DTWD2: variants seen among roughly 807,000 people sequenced by gnomAD.
The protein encoded by DTWD2 is DTW motif tRNA-uridine aminocarboxypropyltransferase 2, also known as tRNA-uridine aminocarboxypropyltransferase 2.
A neutral mutation model predicts 31.8 loss-of-function variants in DTWD2; 39 were observed. The observed-to-expected ratio is 1.22, with a 90% confidence interval of 0.95 to 1.60. The LOEUF is 1.60. DTWD2 is among the 40% of genes most tolerant of loss of function. DTWD2 has a pLI of 0.00. For missense variants in DTWD2, 515 were observed against 381.5 expected (o/e 1.35, Z -2.92); for synonymous variants, 180 against 142.8 (o/e 1.26, Z -1.86).
intron 1 of DTWD2, among the ~76,000 whole-genome samples, chr5:118,969,656 A>G (rs536296024): frequency 1.1e-4 from 17 of 152,322 alleles, no homozygotes; most frequent in African/African-American, 4.1e-4. Flanking sequence ...ACATCAACAA[A>G]GAAGATCCCA....
At chr5:118,951,800 C>G (rs888403024) in intron 1 of DTWD2, among the ~76,000 whole-genome samples, 1 of 152,000 alleles carries the variant, frequency 6.6e-6, no homozygotes, top group Non-Finnish European at 1.5e-5. Context: ...TGCCCCGCCT[C>G]GGGGAGGTAG....
Position 118,939,198 on chromosome 5 carries a change from T to G in DTWD2, c.402A>C (p.Glu134Asp). ...CATTGCCCTAACAGTTAATTTACCTTTCTTCACTGAAGCGACGACCGATCT... is the reference window on the plus strand; with the variant it reads ...CATTGCCCTAACAGTTAATTTACCTGTCTTCACTGAAGCGACGACCGATCT... ...KVKIGRRFSE[E>D]RDPELSTVCR... The change falls in exon 3 of 6, where the codon GAA (glutamate) becomes GAC (aspartate). Residue 134 changes from glutamate (E) to aspartate (D), a missense_variant and splice_region_variant. By Grantham distance (45) the Glu-to-Asp change is conservative. Transcript: ENST00000510708. 6.2e-7 allele frequency: 1 copy of G among 1,601,118 alleles called. No homozygotes were observed. The highest frequency in any genetic ancestry group is 8.5e-7 in the Non-Finnish European group (1 of 1,173,914).
intron 4 of DTWD2, 56 bp from the exon 5 acceptor site, chr5:118,848,274 G>A (rs1451028124): frequency 3.4e-6 from 5 of 1,481,762 alleles, no homozygotes; most frequent in South Asian, 1.4e-5. Context: ...AAATTATAAA[G>A]TTTGTGTTTT....
At chr5:118,912,788 CAGT>C (rs1402378975) in intron 4 of DTWD2, among the ~76,000 whole-genome samples, 1 of 152,090 alleles carries the variant, frequency 6.6e-6, no homozygotes, top group Non-Finnish European at 1.5e-5. Context: ...ATGAGAAAAA[CAGT>C]AGAATTCACC....
At chr5:118,963,395 G>C (rs1485619070) in intron 1 of DTWD2, among the ~76,000 whole-genome samples, 1 of 152,194 alleles carries the variant, frequency 6.6e-6, no homozygotes, top group Admixed American at 6.6e-5. Context: ...ACATTAAAAA[G>C]CACCTGTTTT....
In DTWD2 at chr5:118,944,584, A is replaced by C. The variant is rs776810173; in HGVS notation, c.284T>G (p.Leu95Trp). Residue 95 changes from leucine (L) to tryptophan (W), a missense_variant, in exon 2 of 6, where the codon TTG becomes TGG. Coordinates refer to ENST00000510708, the MANE Select transcript of DTWD2 (RefSeq NM_173666.4). Reference sequence around the variant, plus strand: ...CTCTGCTGGATGCTGAATTATGTACAAGTGGGTAGAGATATGCAGAGGGTG... The same window carrying C: ...CTCTGCTGGATGCTGAATTATGTACCAGTGGGTAGAGATATGCAGAGGGTG... ...PAHPLHISTHLYIIQHPAEEN... is the reference protein window; with the variant it reads ...PAHPLHISTHWYIIQHPAEEN... 1.5e-5 allele frequency: 25 copies of C among 1,613,482 alleles called. No individual in the cohort carries two copies. Among genetic ancestry groups the C allele is most frequent in the Non-Finnish European group, 2.0e-5 (24 of 1,179,728 alleles).
rs140040215 is a variant in DTWD2 at position 118,921,738 on chromosome 5, A to C, written c.597+6799T>G. On this transcript the variant is annotated intron_variant, in intron 4 of 5. Transcript: ENST00000510708. ...AGAAGTCACTTAACGAACAGTAAGT[A>C]GAATAGCCTATTCAGAATCTACATC... 2.6e-5 allele frequency among the ~76,000 whole-genome samples: 4 copies of C among 152,336 alleles called. No individual in the cohort carries two copies. In the East Asian group the frequency reaches 7.7e-4, roughly 29 times the overall value.
intron 1 of DTWD2, among the ~76,000 whole-genome samples, chr5:118,976,273 T>G (rs1354023840): frequency 6.6e-6 from 1 of 151,790 alleles, no homozygotes; most frequent in Non-Finnish European, 1.5e-5. Flanking sequence ...ATATCACAAT[T>G]AAAAGAACTA....
At chr5:118,958,281 C>T (rs576370476) in intron 1 of DTWD2, among the ~76,000 whole-genome samples, 2 of 152,070 alleles carry the variant, frequency 1.3e-5, no homozygotes, top group South Asian at 2.1e-4. Flanking sequence ...AGTGAAACTC[C>T]GTCTCTACCA....
At chr5:118,895,708 C>T (rs551553329) in intron 4 of DTWD2, among the ~76,000 whole-genome samples, 2 of 152,254 alleles carry the variant, frequency 1.3e-5, no homozygotes, top group Admixed American at 6.5e-5. Flanking sequence ...TAAGTCCACA[C>T]ACTTACTTAC....
intron 1 of DTWD2, among the ~76,000 whole-genome samples, chr5:118,960,316 T>A (rs1037322809): frequency 1.3e-5 from 2 of 152,002 alleles, no homozygotes; most frequent in African/African-American, 4.8e-5. Flanking sequence ...CAAAGAAGCA[T>A]ATGAAAAAAT....
At chr5:118,943,044 T>A (rs1305985877) in intron 2 of DTWD2, among the ~76,000 whole-genome samples, 1 of 152,150 alleles carries the variant, frequency 6.6e-6, no homozygotes, top group Admixed American at 6.5e-5. Context: ...GCTCAAGTTA[T>A]CCTCCTTCTT....
chr5:118,916,007 C>T (rs1753567570), intron 4 of DTWD2, among the ~76,000 whole-genome samples: 1 of 152,064 alleles, frequency 6.6e-6, no homozygotes, highest in African/African-American at 2.4e-5. Context: ...AGTAAATTCC[C>T]AATAAGGGAT....
At chr5:118,856,063 TC>T (rs1262229811) in intron 4 of DTWD2, among the ~76,000 whole-genome samples, 1 of 152,110 alleles carries the variant, frequency 6.6e-6, no homozygotes, top group Non-Finnish European at 1.5e-5. Context: ...CCCAGTATAC[TC>T]CAGAGAAAGA....
At chr5:118,973,072 C>CA (rs915327625) in intron 1 of DTWD2, among the ~76,000 whole-genome samples, 1 of 146,412 alleles carries the variant, frequency 6.8e-6, no homozygotes, top group Admixed American at 6.8e-5. Flanking sequence ...ACTAGGATTG[C>CA]AACCCCCTTT....
intron 1 of DTWD2, among the ~76,000 whole-genome samples, chr5:118,982,686 C>CTTTTTTTT (rs56102830): frequency 4.1e-5 from 5 of 121,120 alleles, no homozygotes; most frequent in Non-Finnish European, 6.8e-5. Flanking sequence ...AGTTTGTTTT[C>CTTTTTTTT]TTTTTTTTTT....
At chr5:118,899,865 G>T (rs1432165718) in intron 4 of DTWD2, among the ~76,000 whole-genome samples, 1 of 143,076 alleles carries the variant, frequency 7.0e-6, no homozygotes, top group African/African-American at 2.6e-5. Context: ...ACAGTGGCAC[G>T]ATCTCGGCTC....
intron 3 of DTWD2, among the ~76,000 whole-genome samples, chr5:118,933,044 T>C (rs968614509): frequency 4.6e-5 from 7 of 152,044 alleles, no homozygotes; most frequent in African/African-American, 1.7e-4. Context: ...AAAAACTCAA[T>C]GCCCACAAAT....
chr5:118,868,337 T>C (rs1580776011), intron 4 of DTWD2, among the ~76,000 whole-genome samples: 1 of 152,108 alleles, frequency 6.6e-6, no homozygotes, highest in African/African-American at 2.4e-5. Context: ...GGGAAATCTT[T>C]ACAACATTGG....
Sources: allele counts gnomAD v4.1 joint callset (sites outside exome capture counted in the v4.1 genomes callset), GRCh38; gene constraint gnomAD v4.1.1; transcripts MANE v1.5; gene names NCBI Gene and HGNC (gene_info 2026-07-23, HGNC 2026-07-21).